The following ECPAS variants were observed in gnomAD, a reference collection of about 807,000 sequenced individuals.
The protein encoded by ECPAS is Ecm29 proteasome adaptor and scaffold, also known as proteasome adapter and scaffold protein ECM29.
In ECPAS, 70 loss-of-function variants were observed where a neutral mutation model predicts 255.1. That is an observed-to-expected ratio of 0.27 (90% CI 0.23 to 0.33). The LOEUF (loss-of-function observed/expected upper bound fraction) is 0.33, where lower values mean the gene tolerates loss of function less well. Ranked by LOEUF, ECPAS falls within the 10% of genes least tolerant of loss-of-function variation. The pLI is 1.00. For missense variants in ECPAS, 1,817 were observed against 2,206.4 expected (o/e 0.82, Z 3.54); for synonymous variants, 784 against 775.0 (o/e 1.01, Z -0.19).
intron 24 of ECPAS, among the ~76,000 whole-genome samples, chr9:111,404,813 C>CA (rs35277070): frequency 0.14 from 7,445 of 52,690 alleles, 649 homozygotes; most frequent in East Asian, 0.3. Flanking sequence ...TAATAGCTAC[C>CA]AAAAAAAAAA....
At chr9:111,436,034 A>G (rs548663800) in intron 7 of ECPAS, among the ~76,000 whole-genome samples, 1 of 144,112 alleles carries the variant, frequency 6.9e-6, no homozygotes, top group South Asian at 2.2e-4. Context: ...TTTAAGGAGG[A>G]AAAAAAAAAA....
At chr9:111,461,099 G>A (rs547836525) in intron 2 of ECPAS, among the ~76,000 whole-genome samples, 7 of 152,178 alleles carry the variant, frequency 4.6e-5, no homozygotes, top group South Asian at 2.1e-4. Context: ...AAATGCAAAG[G>A]ACCAAGATTT....
At chr9:111,435,131 T>C (rs1267557996) in intron 7 of ECPAS, among the ~76,000 whole-genome samples, 1 of 151,934 alleles carries the variant, frequency 6.6e-6, no homozygotes, top group African/African-American at 2.4e-5. Flanking sequence ...ACTCCTGACC[T>C]CAAGTGATCC....
At position 111,422,128 on chromosome 9, in the gene ECPAS, C is replaced by G; in HGVS notation, c.1332+6G>C. On this transcript the variant is annotated splice_donor_region_variant and intron_variant, in intron 14 of 49. Coordinates refer to ENST00000684092, the MANE Select transcript of ECPAS (RefSeq NM_001364929.1). ...CAAAGCATAAACTTAGCAGCTGTTTCCCTACCTTGCAAAGGGCTTCAAAAA... is the reference window on the plus strand; with the variant it reads ...CAAAGCATAAACTTAGCAGCTGTTTGCCTACCTTGCAAAGGGCTTCAAAAA... The G allele has an allele frequency of 6.2e-7, 1 of 1,613,788 alleles. No homozygotes were observed. Among genetic ancestry groups the G allele is most frequent in the Non-Finnish European group, 8.5e-7 (1 of 1,179,772 alleles).
chr9:111,367,535 A>C (rs1046773920), intron 46 of ECPAS, among the ~76,000 whole-genome samples: 1 of 152,116 alleles, frequency 6.6e-6, no homozygotes, highest in Non-Finnish European at 1.5e-5. Flanking sequence ...AAAAGTTAAT[A>C]CTCTTTATGG....
At chr9:111,439,001 A>G (rs929958352) in intron 6 of ECPAS, among the ~76,000 whole-genome samples, 2 of 152,228 alleles carry the variant, frequency 1.3e-5, no homozygotes, top group African/African-American at 4.8e-5. Context: ...GATGGACAAA[A>G]TAAGTAGACC....
At chr9:111,406,326 T>C (rs1030444495) in intron 24 of ECPAS, among the ~76,000 whole-genome samples, 2 of 149,444 alleles carry the variant, frequency 1.3e-5, no homozygotes, top group Non-Finnish European at 2.9e-5. Flanking sequence ...CTCATGGAAG[T>C]AGTGAACAAA....
At chr9:111,450,806 T>C (rs2098259299) in intron 3 of ECPAS, among the ~76,000 whole-genome samples, 3 of 152,146 alleles carry the variant, frequency 2.0e-5, no homozygotes, top group Non-Finnish European at 2.9e-5. Context: ...TCTGCACCTG[T>C]AGTCCCAGCT....
chr9:111,393,509 T>C (rs1018136324), intron 27 of ECPAS, among the ~76,000 whole-genome samples, 171 bp downstream of exon 27: 2 of 152,214 alleles, frequency 1.3e-5, no homozygotes, highest in African/African-American at 2.4e-5. Context: ...CTAGAAATTT[T>C]GGTTTCTAAA....
chr9:111,452,762 T>A (rs1406660408), intron 2 of ECPAS, among the ~76,000 whole-genome samples: 1 of 152,128 alleles, frequency 6.6e-6, no homozygotes, highest in Non-Finnish European at 1.5e-5. Flanking sequence ...GATCGATCAA[T>A]CCTGAGAGGG....
At chr9:111,434,194 G>C (rs1278254494) in intron 7 of ECPAS, among the ~76,000 whole-genome samples, 1 of 151,952 alleles carries the variant, frequency 6.6e-6, no homozygotes, top group Non-Finnish European at 1.5e-5. Context: ...ATCAAAAAAG[G>C]GCCTGCCTTC....
In ECPAS at chr9:111,483,997, GC is replaced by G. The variant is rs1460134873; in HGVS notation, c.-83+118del. 1.2e-5 allele frequency: 12 copies of G among 1,003,996 alleles called. No individual in the cohort carries two copies. In the East Asian group the frequency reaches 1.0e-3, roughly 88 times the overall value. The allele number at this position is 1,003,996 out of a possible 1,614,324, so 62.2% of individuals were successfully genotyped here. On this transcript the variant is annotated intron_variant, in intron 1 of 49. Transcript: ENST00000684092. ...TCGTCCTGCCCACCTGTCGCCGCCC[GC>G]CCCGCGTGCGCTCCCCGCGCGGACT...
At chr9:111,463,542 T>C (rs2098275738) in intron 2 of ECPAS, among the ~76,000 whole-genome samples, 1 of 152,202 alleles carries the variant, frequency 6.6e-6, no homozygotes, top group Non-Finnish European at 1.5e-5. Context: ...CTGTCAATTT[T>C]CCATAAAAGT....
At chr9:111,380,957 C>A (rs2098139843) in intron 35 of ECPAS, among the ~76,000 whole-genome samples, 1 of 152,208 alleles carries the variant, frequency 6.6e-6, no homozygotes, top group South Asian at 2.1e-4. Flanking sequence ...CTGATTTGAT[C>A]TTCTATCCAG....
rs772808433 is a variant in ECPAS at position 111,413,998 on chromosome 9, T to C, written c.1988-12A>G. The C allele has an allele frequency of 9.3e-5, 143 of 1,540,354 alleles. No homozygotes were observed. Among genetic ancestry groups the C allele is most frequent in the Non-Finnish European group, 2.0e-5 (23 of 1,134,740 alleles). ...CATAACCGGCAAACCTAAATAAGAA[T>C]TCAGAATCACCTTAAATTTCAAGAA... On this transcript the variant is annotated splice_polypyrimidine_tract_variant and intron_variant, in intron 19 of 49. Coordinates refer to ENST00000684092, the MANE Select transcript of ECPAS (RefSeq NM_001364929.1).
intron 36 of ECPAS, among the ~76,000 whole-genome samples, chr9:111,376,879 A>G (rs2131536153): frequency 6.6e-6 from 1 of 152,328 alleles, no homozygotes; most frequent in East Asian, 1.9e-4. Context: ...AAGGTTTTTA[A>G]AATTGTGTCT....
intron 25 of ECPAS, among the ~76,000 whole-genome samples, chr9:111,395,129 G>C (rs934823920): frequency 6.6e-6 from 1 of 152,066 alleles, no homozygotes. Flanking sequence ...ACTCCTCATT[G>C]ATCACATTAC....
Position 111,468,651 on chromosome 9 carries a change from G to A in ECPAS, c.22+4246C>T, listed in dbSNP as rs1201528315. The stretch of plus-strand genomic sequence containing the variant: ...AGTGAGAGAGAGAGAGAGAGAGAGA[G>A]AGCGAGCGTGTGTGTGTGTTTCATG... On this transcript the variant is annotated intron_variant, in intron 2 of 49. Transcript: ENST00000684092. Among the ~76,000 whole-genome samples, 2 of 142,454 alleles carry A rather than the reference G, an allele frequency of 1.4e-5. 1 individual carries two copies. 93.5% of individuals were successfully genotyped at this position (142,454 alleles called of 152,430 possible).
At chr9:111,430,432 T>C in intron 9 of ECPAS, 115 bp downstream of exon 9, 2 of 718,948 alleles carry the variant, frequency 2.8e-6, no homozygotes, top group Non-Finnish European at 4.9e-6. Flanking sequence ...AAAACTAGCA[T>C]TTTGTTATAG....
Sources: allele counts gnomAD v4.1 joint callset (sites outside exome capture counted in the v4.1 genomes callset), GRCh38; gene constraint gnomAD v4.1.1; transcripts MANE v1.5; gene names NCBI Gene and HGNC (gene_info 2026-07-23, HGNC 2026-07-21).